MAPKAP1: variants seen among roughly 807,000 people sequenced by gnomAD.
MAPKAP1 encodes the protein target of rapamycin complex 2 subunit MAPKAP1.
MAPKAP1 carries 20 observed loss-of-function variants against 65.7 expected under a neutral mutation model. The observed-to-expected ratio is 0.30, with a 90% CI of 0.21 to 0.44. MAPKAP1 has a LOEUF of 0.44. Ranked by LOEUF, MAPKAP1 falls within the 20% of genes least tolerant of loss-of-function variation. The pLI is 1.00. For missense variants in MAPKAP1, 423 were observed against 648.0 expected (o/e 0.65, Z 3.77); for synonymous variants, 222 against 244.3 (o/e 0.91, Z 0.85).
chr9:125,537,607 C>A (rs1386042033), intron 7 of MAPKAP1, among the ~76,000 whole-genome samples: 1 of 152,170 alleles, frequency 6.6e-6, no homozygotes, highest in East Asian at 1.9e-4. Flanking sequence ...TCAGCCTCCC[C>A]AGTCACTGGG....
intron 1 of MAPKAP1, among the ~76,000 whole-genome samples, chr9:125,684,167 T>A (rs1158671585): frequency 6.6e-6 from 1 of 152,346 alleles, no homozygotes; most frequent in East Asian, 1.9e-4. Flanking sequence ...GGTTACTTCA[T>A]TAAGGTATAA....
At chr9:125,543,624 T>G (rs1404764499) in intron 6 of MAPKAP1, among the ~76,000 whole-genome samples, 2 of 152,084 alleles carry the variant, frequency 1.3e-5, no homozygotes, top group African/African-American at 4.8e-5. Flanking sequence ...GCCAATTATT[T>G]AAAAATAGGT....
intron 1 of MAPKAP1, among the ~76,000 whole-genome samples, chr9:125,675,426 G>C (rs1459705589): frequency 1.3e-5 from 2 of 152,128 alleles, no homozygotes; most frequent in Admixed American, 1.3e-4. Context: ...TAAGAGGAAT[G>C]GGCAAACACT....
At chr9:125,632,864 A>C (rs78923342) in intron 4 of MAPKAP1, among the ~76,000 whole-genome samples, 1,598 of 152,328 alleles carry the variant, frequency 0.01, 16 homozygotes, top group African/African-American at 0.035. Flanking sequence ...TGACTGGAGA[A>C]TATCTCCAGC....
rs189639738 is a variant in MAPKAP1 at position 125,492,451 on chromosome 9, A to C, written c.1067-7868T>G. Among the ~76,000 whole-genome samples the C allele has an allele frequency of 2.6e-5, 4 of 152,360 alleles. No individual in the cohort carries two copies. In the East Asian group the frequency reaches 7.7e-4, roughly 29 times the overall value. ...CAAAGCCTGTACACACATAAAAGCAATAGGTTTACTTTCAGGTGATCAGAC... is the reference window on the plus strand; with the variant it reads ...CAAAGCCTGTACACACATAAAAGCACTAGGTTTACTTTCAGGTGATCAGAC... On this transcript the variant is annotated intron_variant, in intron 8 of 11. Coordinates refer to ENST00000265960, the MANE Select transcript of MAPKAP1 (RefSeq NM_001006617.3).
At chr9:125,577,465 G>A (rs539948735) in intron 5 of MAPKAP1, among the ~76,000 whole-genome samples, 23 of 142,854 alleles carry the variant, frequency 1.6e-4, no homozygotes, top group South Asian at 2.3e-4. Context: ...CCAGCCAGCC[G>A]CCCCGTCTGG....
chr9:125,438,814 G>T lies in MAPKAP1; in HGVS notation c.*73C>A, dbSNP rs958997507. The T allele has an allele frequency of 3.1e-6, 5 of 1,594,476 alleles. No individual in the cohort carries two copies. Among genetic ancestry groups the T allele is most frequent in the African/African-American group, 1.3e-5 (1 of 74,474 alleles). On this transcript the variant is annotated 3_prime_UTR_variant, in exon 12 of 12. Coordinates refer to ENST00000265960, the MANE Select transcript of MAPKAP1 (RefSeq NM_001006617.3). Reference sequence around the variant, plus strand: ...TCCCCCCGAGGACTTCAGGACACCGGGTGGACTCTAGGGCACTTGGCCCTG... The same window carrying T: ...TCCCCCCGAGGACTTCAGGACACCGTGTGGACTCTAGGGCACTTGGCCCTG...
intron 7 of MAPKAP1, among the ~76,000 whole-genome samples, chr9:125,517,396 G>A (rs564493906): frequency 6.6e-6 from 1 of 152,110 alleles, no homozygotes; most frequent in South Asian, 2.1e-4. Flanking sequence ...GTTGGGGTGG[G>A]GGTTCTTTTT....
intron 4 of MAPKAP1, among the ~76,000 whole-genome samples, chr9:125,592,859 C>T (rs1832007338): frequency 7.4e-6 from 1 of 134,856 alleles, no homozygotes; most frequent in Admixed American, 8.5e-5. Context: ...GCCGAGATAG[C>T]ACCACTGCAG....
chr9:125,698,298 T>TATATATATATAAA lies in MAPKAP1; in HGVS notation c.-70+8672_-70+8673insTTTATATATATAT, dbSNP rs1564622402. 4.7e-3 allele frequency among the ~76,000 whole-genome samples: 61 copies of TATATATATATAAA among 12,848 alleles called. 2 individuals carry two copies. The highest frequency in any genetic ancestry group is 0.018 in the African/African-American group (57 of 3,224). 8.4% of individuals were successfully genotyped at this position (12,848 alleles called of 152,430 possible). ...TACATAATATATATAAATATATATA[T>TATATATATATAAA]ATATATATATATATATATATATATA... On this transcript the variant is annotated intron_variant, in intron 1 of 11. Coordinates refer to ENST00000265960, the MANE Select transcript of MAPKAP1 (RefSeq NM_001006617.3).
chr9:125,596,141 G>A, intron 4 of MAPKAP1: 1 of 779,502 alleles, frequency 1.3e-6, no homozygotes, highest in East Asian at 2.4e-5. Flanking sequence ...ACGACTCCGT[G>A]GATAAGACTG....
chr9:125,450,091 A>AT (rs1025795118), intron 10 of MAPKAP1, among the ~76,000 whole-genome samples: 5 of 151,334 alleles, frequency 3.3e-5, no homozygotes, highest in South Asian at 2.1e-4. Flanking sequence ...CCCGGCTATC[A>AT]TTTTTTTTAC....
chr9:125,589,542 T>G (rs1401605532), intron 4 of MAPKAP1, among the ~76,000 whole-genome samples: 1 of 152,224 alleles, frequency 6.6e-6, no homozygotes, highest in African/African-American at 2.4e-5. Flanking sequence ...CCTTCCTCTA[T>G]GGATCCATTT....
intron 5 of MAPKAP1, among the ~76,000 whole-genome samples, chr9:125,573,296 G>C (rs1169347193): frequency 6.6e-6 from 1 of 152,134 alleles, no homozygotes; most frequent in Non-Finnish European, 1.5e-5. Context: ...CAGTAAAGGA[G>C]CCAGCCAAAA....
At chr9:125,474,332 T>C (rs1170348082) in intron 9 of MAPKAP1, among the ~76,000 whole-genome samples, 2 of 152,166 alleles carry the variant, frequency 1.3e-5, no homozygotes, top group Non-Finnish European at 2.9e-5. Context: ...AAGAGTTCAA[T>C]TCAAATCAGG....
chr9:125,565,741 CAAAAA>C (rs71374275), intron 5 of MAPKAP1: 1,192 of 146,910 alleles, frequency 8.1e-3, no homozygotes, highest in South Asian at 0.01. Context: ...TTCTCTCCTG[CAAAAA>C]AAAAAAAAAA....
At chr9:125,667,862 A>G (rs1421507945) in intron 3 of MAPKAP1, among the ~76,000 whole-genome samples, 1 of 152,230 alleles carries the variant, frequency 6.6e-6, no homozygotes. Flanking sequence ...ATATATAAAA[A>G]ATTTGAAAAA....
At chr9:125,651,408 G>A (rs992053557) in intron 4 of MAPKAP1, among the ~76,000 whole-genome samples, 8 of 151,798 alleles carry the variant, frequency 5.3e-5, no homozygotes, top group African/African-American at 1.5e-4. Context: ...AGTTTGAGAC[G>A]AGCCTGGCCA....
At chr9:125,467,882 C>G in intron 10 of MAPKAP1, 90 bp downstream of exon 10, 1 of 1,375,452 alleles carries the variant, frequency 7.3e-7, no homozygotes, top group African/African-American at 1.5e-5. Flanking sequence ...AAAAAGGACA[C>G]AGTGGCAATA....
Sources: allele counts gnomAD v4.1 joint callset (sites outside exome capture counted in the v4.1 genomes callset), GRCh38; gene constraint gnomAD v4.1.1; transcripts MANE v1.5; gene names NCBI Gene and HGNC (gene_info 2026-07-23, HGNC 2026-07-21).